The following GNG4 variants were observed in gnomAD, a reference collection of about 807,000 sequenced individuals.
The protein encoded by GNG4 is guanine nucleotide-binding protein G(I)/G(S)/G(O) subunit gamma-4.
GNG4 carries 4 observed loss-of-function variants against 5.8 expected under a neutral mutation model. That is an observed-to-expected ratio of 0.69 (90% confidence interval 0.34 to 1.57). The LOEUF (loss-of-function observed/expected upper bound fraction) is 1.57, where lower values mean the gene tolerates loss of function less well. GNG4 is among the 40% of genes most tolerant of loss of function. The pLI is 0.06. For synonymous variants in GNG4, 29 were observed against 32.9 expected (o/e 0.88, Z 0.41); for missense variants, 96 against 95.1 (o/e 1.01, Z -0.04).
chr1:235,610,836 A>T (rs1303148131), intron 1 of GNG4, among the ~76,000 whole-genome samples: 1 of 152,056 alleles, frequency 6.6e-6, no homozygotes, highest in Non-Finnish European at 1.5e-5. Context: ...TGTAATCCCA[A>T]CACTTTGGGA....
chr1:235,585,230 C>T (rs113020447), intron 2 of GNG4, among the ~76,000 whole-genome samples: 17 of 143,078 alleles, frequency 1.2e-4, no homozygotes, highest in Admixed American at 4.2e-4. Flanking sequence ...TCCTTTCCTT[C>T]CCCTTCCCTT....
At position 235,642,078 on chromosome 1, in the gene GNG4, A is replaced by G. The variant is rs895060601; in HGVS notation, c.-123+7584T>C. ...CTAGAGCTTCCAACGTACAGTGCGGAAAAGCAACATAACACACTAAGAACC... is the reference window on the plus strand; with the variant it reads ...CTAGAGCTTCCAACGTACAGTGCGGGAAAGCAACATAACACACTAAGAACC... On this transcript the variant is annotated intron_variant, in intron 1 of 3. Coordinates refer to ENST00000391854, the MANE Select transcript of GNG4 (RefSeq NM_001098722.2). This position sits in a 1 kb window ranked among gnomAD's most constrained non-coding sequence, Gnocchi z 4.3. Among the ~76,000 whole-genome samples, 1 of 152,248 alleles carries G rather than the reference A, an allele frequency of 6.6e-6. No homozygotes were observed. Among genetic ancestry groups the G allele is most frequent in the Non-Finnish European group, 1.5e-5 (1 of 68,054 alleles).
At chr1:235,579,838 G>A (rs974438657) in intron 3 of GNG4, among the ~76,000 whole-genome samples, 12 of 26,966 alleles carry the variant, frequency 4.5e-4, no homozygotes, top group African/African-American at 4.1e-3. Context: ...GCAACAGAGT[G>A]AGACTCCATC....
chr1:235,650,460 T>C (rs1169417753), upstream of GNG4: 3 of 152,298 alleles, frequency 2.0e-5, no homozygotes, highest in Non-Finnish European at 4.4e-5. Context: ...GCCTGGGCCG[T>C]TGGGGCGCGG....
chr1:235,577,102 T>TCCTC lies in GNG4; in HGVS notation c.99+6634_99+6637dup, dbSNP rs568060091. Among the ~76,000 whole-genome samples the TCCTC allele has an allele frequency of 9.2e-5, 14 of 152,306 alleles. No individual in the cohort carries two copies. The East Asian group carries it at 2.7e-3, about 29-fold the overall frequency. On this transcript the variant is annotated intron_variant, in intron 3 of 3. Coordinates refer to ENST00000391854, the MANE Select transcript of GNG4 (RefSeq NM_001098722.2). ...CGGCAAATGCCTTCTTTTCCTTCCT[T>TCCTC]CCTCCTTAGAAACTCTCCTGAGCAC...
At chr1:235,593,846 GC>G (rs1317700506) in intron 2 of GNG4, among the ~76,000 whole-genome samples, 4 of 152,158 alleles carry the variant, frequency 2.6e-5, no homozygotes, top group African/African-American at 9.7e-5. Context: ...GCTCATAAAG[GC>G]AGTGGGGGCC....
In GNG4 at chr1:235,552,216, G is replaced by A; in HGVS notation, c.121C>T (p.Leu41Phe). Residue 41 changes from leucine (L) to phenylalanine (F), a missense_variant, in exon 4 of 4, where the codon CTC becomes TTC. Leu to Phe is a conservative substitution (Grantham distance 22). Transcript: ENST00000391854. ...ACGTGAGCTTCACAGTAGGCCAGGA[G>A]GTCCGCAGCTGCCTGGGAGACCTGT... ...RVKVSQAAAD[L>F]LAYCEAHVRE... 1 of 1,613,946 alleles carries A rather than the reference G, an allele frequency of 6.2e-7. No individual in the cohort carries two copies. Among genetic ancestry groups the A allele is most frequent in the Non-Finnish European group, 8.5e-7 (1 of 1,179,800 alleles).
rs75169773 is a variant in GNG4, at chr1:235,602,835, C to T, written c.-122-7324G>A. 7.9e-3 allele frequency among the ~76,000 whole-genome samples: 1,205 copies of T among 152,256 alleles called. 13 individuals carry two copies. Among genetic ancestry groups the T allele is most frequent in the African/African-American group, 0.025 (1,057 of 41,530 alleles). ...GCGTTCATCGTGAGCATTAAGATTC[C>T]CCCCTTTCAGCTGTAAGAAAAATTG... is the stretch of plus-strand genomic sequence containing the variant. On this transcript the variant is annotated intron_variant, in intron 1 of 3. Transcript: ENST00000391854.
intron 1 of GNG4, among the ~76,000 whole-genome samples, chr1:235,596,252 A>C (rs921894485): frequency 5.9e-4 from 69 of 117,596 alleles, no homozygotes; most frequent in Non-Finnish European, 7.7e-4. Flanking sequence ...ACACACACAC[A>C]CCTGGCCGGG....
intron 2 of GNG4, among the ~76,000 whole-genome samples, chr1:235,593,487 G>A (rs1308587162): frequency 1.3e-5 from 2 of 152,224 alleles, no homozygotes; most frequent in African/African-American, 4.8e-5. Context: ...GAATACTACA[G>A]CCGGCCTTCC....
At chr1:235,584,754 G>A (rs1034388763) in intron 2 of GNG4, among the ~76,000 whole-genome samples, 2 of 152,238 alleles carry the variant, frequency 1.3e-5, no homozygotes, top group East Asian at 3.8e-4. Flanking sequence ...AAGCCTGAGA[G>A]CTGGGGACAG....
At chr1:235,578,741 A>C (rs1244766758) in intron 3 of GNG4, among the ~76,000 whole-genome samples, 1 of 152,164 alleles carries the variant, frequency 6.6e-6, no homozygotes, top group Non-Finnish European at 1.5e-5. Flanking sequence ...AGAAATAGAG[A>C]GTAAAATGGT....
intron 1 of GNG4, among the ~76,000 whole-genome samples, chr1:235,596,115 G>A (rs570991439): frequency 2.6e-5 from 4 of 152,052 alleles, no homozygotes; most frequent in African/African-American, 9.6e-5. Flanking sequence ...CGGAGCTTGC[G>A]GTGAGCCAAG....
At chr1:235,581,532 A>AT (rs1687636643) in intron 3 of GNG4, among the ~76,000 whole-genome samples, 2 of 151,800 alleles carry the variant, frequency 1.3e-5, no homozygotes, top group South Asian at 4.2e-4. Flanking sequence ...AAAAAAAAAA[A>AT]AGGTGTGTAT....
chr1:235,576,040 T>C (rs958463888), intron 3 of GNG4, among the ~76,000 whole-genome samples: 2 of 150,730 alleles, frequency 1.3e-5, no homozygotes, highest in African/African-American at 4.9e-5. Flanking sequence ...CTCTATTTAA[T>C]GATCAATGTC....
intron 3 of GNG4, among the ~76,000 whole-genome samples, chr1:235,580,154 G>C (rs1360476303): frequency 6.6e-6 from 1 of 152,138 alleles, no homozygotes; most frequent in Non-Finnish European, 1.5e-5. Flanking sequence ...AGTGAAATAA[G>C]ACAGGAACAA....
rs763551695 is a variant in GNG4 at position 235,561,044 on chromosome 1, TC to T, written c.100-8808del. Among the ~76,000 whole-genome samples, 60 of 152,336 alleles carry T rather than the reference TC, an allele frequency of 3.9e-4. 1 individual carries two copies. Among genetic ancestry groups the T allele is most frequent in the South Asian group, 4.1e-4 (2 of 4,828 alleles). ...TTTTTCTTTTGAGACGGAGTCTCAC[TC>T]TGTCGCCAGGCTGCAGTGCAGTGGC... On this transcript the variant is annotated intron_variant, in intron 3 of 3. Coordinates refer to ENST00000391854, the MANE Select transcript of GNG4 (RefSeq NM_001098722.2).
chr1:235,605,117 C>T (rs530326837), intron 1 of GNG4, among the ~76,000 whole-genome samples: 2 of 151,824 alleles, frequency 1.3e-5, no homozygotes, highest in African/African-American at 2.4e-5. Context: ...ATCATTCATT[C>T]ATTCATTAAA....
At chr1:235,619,849 A>G (rs1688669909) in intron 1 of GNG4, among the ~76,000 whole-genome samples, 1 of 152,232 alleles carries the variant, frequency 6.6e-6, no homozygotes, top group African/African-American at 2.4e-5. Flanking sequence ...AGCATTCCCT[A>G]TAGATCTTCT....
Sources: gnomAD v4.1 joint callset for allele counts (sites outside exome capture counted in the v4.1 genomes callset) on GRCh38, gnomAD v4.1.1 for gene constraint, Gnocchi (gnomAD v3.1) non-coding constraint, MANE v1.5 for transcripts, NCBI Gene and HGNC (gene_info 2026-07-23, HGNC 2026-07-21) for gene names.